Variants in ABCA3 observed in about 807,000 individuals in gnomAD.
ABCA3 encodes the protein ATP binding cassette subfamily A member 3, also known as phospholipid-transporting ATPase ABCA3.
Under a neutral mutation model 172.8 loss-of-function variants are expected in ABCA3, and 88 were observed. The observed-to-expected ratio is 0.51, with a 90% confidence interval of 0.43 to 0.61. The LOEUF (loss-of-function observed/expected upper bound fraction) is 0.61. Ranked by LOEUF, ABCA3 falls within the 20% of genes least tolerant of loss-of-function variation. The pLI, the probability that ABCA3 is intolerant of heterozygous loss-of-function variation, is 0.00. For missense variants in ABCA3, 2,164 were observed against 2,301.0 expected (o/e 0.94, Z 1.22); for synonymous variants, 1,066 against 983.8 (o/e 1.08, Z -1.56).
chr16:2,330,403 T>C (rs2093741241), intron 1 of ABCA3, among the ~76,000 whole-genome samples: 1 of 137,010 alleles, frequency 7.3e-6, no homozygotes, highest in Non-Finnish European at 1.5e-5. Context: ...CACTGCAACC[T>C]CCACCTCCCA....
chr16:2,334,322 T>C (rs778318883), intron 1 of ABCA3, among the ~76,000 whole-genome samples: 1 of 152,090 alleles, frequency 6.6e-6, no homozygotes, highest in Non-Finnish European at 1.5e-5. Context: ...GCCCATGTCA[T>C]CAAGGCGCTG....
At chr16:2,319,889 C>T (rs754446867) in intron 7 of ABCA3, 49 bp from the exon 8 acceptor site, 22 of 1,609,484 alleles carry the variant, frequency 1.4e-5, no homozygotes, top group Admixed American at 3.3e-5. Context: ...GAGCTGCTCT[C>T]GAGGGCAGAG....
At chr16:2,310,070 G>A (rs1050055857) in intron 10 of ABCA3, among the ~76,000 whole-genome samples, 4 of 151,946 alleles carry the variant, frequency 2.6e-5, no homozygotes, top group Non-Finnish European at 2.9e-5. Context: ...TTAAATTTAA[G>A]AATAACAGTA....
At chr16:2,328,892 G>A (rs139734153) in intron 2 of ABCA3, 135 bp from the exon 3 acceptor site, 2,480 of 152,516 alleles carry the variant, frequency 0.016, 38 homozygotes, top group South Asian at 0.025. Flanking sequence ...CAGCGCACGG[G>A]GAAGGGTTTT....
At chr16:2,289,783 T>C (rs918028082) in intron 19 of ABCA3, among the ~76,000 whole-genome samples, 163 bp from the exon 20 acceptor site, 1 of 152,180 alleles carries the variant, frequency 6.6e-6, no homozygotes, top group Non-Finnish European at 1.5e-5. Flanking sequence ...CCGGCCACCA[T>C]GCACAGCTAA....
intron 1 of ABCA3, among the ~76,000 whole-genome samples, chr16:2,335,172 G>C (rs550471424): frequency 3.9e-5 from 6 of 152,084 alleles, no homozygotes; most frequent in Non-Finnish European, 8.8e-5. Context: ...CATTTATAGA[G>C]TATGGTCCTC....
At chr16:2,294,354 T>A (rs908408073) in intron 18 of ABCA3, among the ~76,000 whole-genome samples, 1 of 152,042 alleles carries the variant, frequency 6.6e-6, no homozygotes, top group Non-Finnish European at 1.5e-5. Context: ...ATAAAATTAA[T>A]AGAAGAAGTC....
rs753664221 is a variant in ABCA3 at position 2,285,910 on chromosome 16, C to T, written c.3279-264G>A. Among the ~76,000 whole-genome samples, 35 of 152,346 alleles carry T rather than the reference C, an allele frequency of 2.3e-4. No individual in the cohort carries two copies. The highest frequency in any genetic ancestry group is 9.8e-4 in the Admixed American group (15 of 15,306). ...ACCCCGCTCCCAGCCCTCAGCCCCA[C>T]GGCTGCCGGCGACCTTGCCCAGGTG... On this transcript the variant is annotated intron_variant, in intron 22 of 32. Transcript: ENST00000301732. The surrounding 1 kb of genome is among the most constrained non-coding windows in gnomAD (Gnocchi z 4.7).
chr16:2,314,653 C>T (rs191633527), intron 10 of ABCA3, among the ~76,000 whole-genome samples: 19 of 151,756 alleles, frequency 1.3e-4, no homozygotes, highest in Non-Finnish European at 2.2e-4. Context: ...CACGGCTCAC[C>T]GCAACCTCTG....
Position 2,281,375 on chromosome 16 carries a change from G to A in ABCA3, c.4164+6C>T, listed in dbSNP as rs1433043144. ...GGAAGGACTCCACCCCAAATTGCAA[G>A]GGTACCTTGGAGAGCTCCTTGATAA... is the stretch of plus-strand genomic sequence containing the variant. On this transcript the variant is annotated splice_donor_region_variant and intron_variant, in intron 27 of 32. Transcript: ENST00000301732. This position sits in a 1 kb window ranked among gnomAD's most constrained non-coding sequence, Gnocchi z 4.7. The A allele has an allele frequency of 1.2e-6, 2 of 1,613,506 alleles. No individual in the cohort carries two copies. Among genetic ancestry groups the A allele is most frequent in the African/African-American group, 1.3e-5 (1 of 74,928 alleles).
chr16:2,305,162 C>CTTG (rs761104941), intron 11 of ABCA3, among the ~76,000 whole-genome samples: 3 of 152,002 alleles, frequency 2.0e-5, no homozygotes, highest in Non-Finnish European at 4.4e-5. Context: ...GAGATAGAGT[C>CTTG]TTGCTCTGTC....
intron 17 of ABCA3, 90 bp from the exon 18 acceptor site, chr16:2,295,830 AG>A: frequency 7.0e-6 from 11 of 1,565,912 alleles, no homozygotes; most frequent in Non-Finnish European, 9.6e-6. Context: ...ACACCAGGCA[AG>A]CTGGTGGGAA....
chr16:2,315,121 G>A (rs1416510300), intron 10 of ABCA3, among the ~76,000 whole-genome samples: 1 of 150,760 alleles, frequency 6.6e-6, no homozygotes, highest in African/African-American at 2.4e-5. Flanking sequence ...CTGACCTCAT[G>A]ATCCACCCGC....
rs1485869121 is a variant in ABCA3, at chr16:2,297,809, C to T, written c.2009G>A (p.Arg670Lys). ...SRSRFLSGGM[R>K]RKLSIGIALI... ...GGCGATGCCGATGGAGAGCTTGCGC[C>T]TCATGCCCCCGCTCAGGAAGCGGCT... The change falls in exon 16 of 33, where the codon AGG becomes AAG. Residue 670 changes from arginine (R) to lysine (K), a missense_variant. By Grantham distance (26) the Arg-to-Lys change is conservative. Coordinates refer to ENST00000301732, the MANE Select transcript of ABCA3 (RefSeq NM_001089.3). This position sits in a 1 kb window ranked among gnomAD's most constrained non-coding sequence, Gnocchi z 5.6. The T allele has an allele frequency of 6.2e-7, 1 of 1,613,552 alleles. No individual in the cohort carries two copies. The highest frequency in any genetic ancestry group is 1.1e-5 in the South Asian group (1 of 91,088).
rs553776152 is a variant in ABCA3 at position 2,290,877 on chromosome 16, C to A, written c.2514-1257G>T. 2.1e-4 allele frequency among the ~76,000 whole-genome samples: 32 copies of A among 152,162 alleles called. 2 individuals are homozygous for A. In the Middle Eastern group the frequency reaches 0.01, roughly 49 times the overall value. ...AGGAAAACCTATCTCACGTTTTTTT[C>A]TTTTTCTTTTGACACAGGGTTTTGC... is the stretch of plus-strand genomic sequence containing the variant. On this transcript the variant is annotated intron_variant, in intron 19 of 32. Transcript: ENST00000301732.
At chr16:2,299,281 T>C (rs944992958) in intron 14 of ABCA3, 122 bp downstream of exon 14, 2 of 1,404,260 alleles carry the variant, frequency 1.4e-6, no homozygotes, top group African/African-American at 1.4e-5. Flanking sequence ...GAGGTGCATC[T>C]CCTGCCGCTG....
chr16:2,276,922 A>C (rs1408542215), intron 32 of ABCA3, 117 bp from the exon 33 acceptor site: 1 of 1,442,162 alleles, frequency 6.9e-7, no homozygotes, highest in Non-Finnish European at 9.5e-7. Flanking sequence ...ACCCCTGCCC[A>C]GCGCCACCCC....
In ABCA3 at chr16:2,297,546, GGA is replaced by G; in HGVS notation, c.2053-9_2053-8del. On this transcript the variant is annotated splice_polypyrimidine_tract_variant and splice_region_variant and intron_variant, in intron 16 of 32. Coordinates refer to ENST00000301732, the MANE Select transcript of ABCA3 (RefSeq NM_001089.3). This position sits in a 1 kb window ranked among gnomAD's most constrained non-coding sequence, Gnocchi z 5.6. ...GCTCGTCCAGTATCAGCACCTGGAGGGAGAGACACAGTCTCGCGACGCTGGTA... is the reference window on the plus strand; with the variant it reads ...GCTCGTCCAGTATCAGCACCTGGAGGGAGACACAGTCTCGCGACGCTGGTA... 6.2e-7 allele frequency: 1 copy of G among 1,611,936 alleles called. No homozygotes were observed.
chr16:2,295,882 AATGT>A, intron 17 of ABCA3, 142 bp from the exon 18 acceptor site: 1 of 1,154,234 alleles, frequency 8.7e-7, no homozygotes, highest in Non-Finnish European at 1.3e-6. Flanking sequence ...AAGCAGAATG[AATGT>A]GTCTTGGAGC....
Sources: allele counts gnomAD v4.1 joint callset (sites outside exome capture counted in the v4.1 genomes callset), GRCh38; gene constraint gnomAD v4.1.1; non-coding constraint Gnocchi (gnomAD v3.1); transcripts MANE v1.5; gene names NCBI Gene and HGNC (gene_info 2026-07-23, HGNC 2026-07-21).